WNT3: variants seen among roughly 807,000 people sequenced by gnomAD.
WNT3 encodes proto-oncogene Wnt-3.
WNT3 carries 7 observed loss-of-function variants against 34.2 expected under a neutral mutation model. That is an observed-to-expected ratio of 0.20 (90% CI 0.12 to 0.38). WNT3 has a LOEUF of 0.38. WNT3 is among the 10% of genes least tolerant of loss of function. WNT3 has a pLI of 1.00. For synonymous variants in WNT3, 212 were observed against 211.5 expected (o/e 1.00, Z -0.02); for missense variants, 267 against 499.8 (o/e 0.53, Z 4.44).
intron 1 of WNT3, among the ~76,000 whole-genome samples, chr17:46,780,178 C>G (rs2059448652): frequency 6.6e-6 from 1 of 152,220 alleles, no homozygotes; most frequent in African/African-American, 2.4e-5. Context: ...GTGCGTCCTG[C>G]CTGATCTGAC....
intron 1 of WNT3, among the ~76,000 whole-genome samples, chr17:46,786,093 A>T (rs1295410047): frequency 8.9e-6 from 1 of 112,694 alleles, no homozygotes; most frequent in Non-Finnish European, 1.6e-5. Context: ...CAGGAAAGTG[A>T]AGTTGATAAG....
intron 1 of WNT3, among the ~76,000 whole-genome samples, chr17:46,794,330 C>T (rs922961800): frequency 5.3e-5 from 8 of 152,130 alleles, no homozygotes; most frequent in South Asian, 4.1e-4. Flanking sequence ...ATCTTACTAG[C>T]GGTGAAGAGG....
chr17:46,812,808 T>C (rs923342329), intron 1 of WNT3, among the ~76,000 whole-genome samples: 5 of 152,178 alleles, frequency 3.3e-5, no homozygotes, highest in Admixed American at 3.3e-4. Flanking sequence ...AGTGAGCCAA[T>C]AGCTTGCAGA....
At chr17:46,810,765 A>G (rs1201717688) in intron 1 of WNT3, among the ~76,000 whole-genome samples, 3 of 152,130 alleles carry the variant, frequency 2.0e-5, no homozygotes, top group East Asian at 1.9e-4. Flanking sequence ...CATGACTGCA[A>G]TCTCGGAGCT....
At chr17:46,802,026 A>T (rs997158501) in intron 1 of WNT3, among the ~76,000 whole-genome samples, 5 of 152,232 alleles carry the variant, frequency 3.3e-5, no homozygotes, top group Non-Finnish European at 7.3e-5. Context: ...CCAGCTCATT[A>T]AGCTGTACAC....
chr17:46,806,006 G>A (rs931002625), intron 1 of WNT3, among the ~76,000 whole-genome samples: 1 of 152,138 alleles, frequency 6.6e-6, no homozygotes, highest in African/African-American at 2.4e-5. Context: ...GGGATAACAA[G>A]AGTCTCTGCC....
At chr17:46,797,028 G>T (rs776946215) in intron 1 of WNT3, among the ~76,000 whole-genome samples, 34 of 152,102 alleles carry the variant, frequency 2.2e-4, no homozygotes, top group Non-Finnish European at 4.1e-4. Flanking sequence ...TGGGAAAAGG[G>T]CTCCAAGGTT....
chr17:46,780,734 G>A (rs555475505), intron 1 of WNT3, among the ~76,000 whole-genome samples: 1 of 152,058 alleles, frequency 6.6e-6, no homozygotes, highest in African/African-American at 2.4e-5. Context: ...CTGAGATGGC[G>A]CCACTGCGCT....
intron 1 of WNT3, among the ~76,000 whole-genome samples, chr17:46,800,548 A>G (rs2084111476): frequency 6.6e-6 from 1 of 152,232 alleles, no homozygotes; most frequent in Non-Finnish European, 1.5e-5. Context: ...ACAGATGCAC[A>G]TGAAGAGGTA....
chr17:46,766,805 C>T (rs1022223697), intron 4 of WNT3, among the ~76,000 whole-genome samples: 8 of 152,186 alleles, frequency 5.3e-5, no homozygotes, highest in African/African-American at 1.7e-4. Flanking sequence ...AGAGGGGGCA[C>T]TCTACCCTTT....
chr17:46,767,464 A>G (rs1361828901), intron 4 of WNT3, among the ~76,000 whole-genome samples: 22 of 152,212 alleles, frequency 1.4e-4, no homozygotes, highest in Admixed American at 1.4e-3. Flanking sequence ...AGGTGGATGC[A>G]CACTGACTCT....
intron 1 of WNT3, among the ~76,000 whole-genome samples, chr17:46,778,773 T>C (rs1400017697): frequency 6.6e-6 from 1 of 151,964 alleles, no homozygotes; most frequent in African/African-American, 2.4e-5. Flanking sequence ...TGCTGAGCCC[T>C]CGGCTCGAAG....
At chr17:46,805,916 A>G (rs939091865) in intron 1 of WNT3, among the ~76,000 whole-genome samples, 3 of 152,232 alleles carry the variant, frequency 2.0e-5, no homozygotes, top group Non-Finnish European at 4.4e-5. Context: ...TCTCTTGTTT[A>G]GAGCTCTGGG....
In WNT3 at chr17:46,779,103, A is replaced by ACACACCCC. The variant is rs749719578; in HGVS notation, c.81-5195_81-5194insGGGGTGTG. On this transcript the variant is annotated intron_variant, in intron 1 of 4. Coordinates refer to ENST00000225512, the MANE Select transcript of WNT3 (RefSeq NM_030753.5). ...CACACACACACACACACACACACACACCCCAGCCCACTCGGCCTTCCAAAG... is the reference window on the plus strand; with the variant it reads ...CACACACACACACACACACACACACACACACCCCCCCCAGCCCACTCGGCCTTCCAAAG... 9.4e-4 allele frequency among the ~76,000 whole-genome samples: 125 copies of ACACACCCC among 133,654 alleles called. 7 individuals carry two copies. In the East Asian group the frequency reaches 0.021, roughly 22 times the overall value. 87.7% of individuals were successfully genotyped at this position (133,654 alleles called of 152,430 possible). A position where few individuals can be genotyped will look rare whatever the true frequency, so the allele number is the denominator to read the frequency against.
chr17:46,816,677 C>T (rs1280237914), intron 1 of WNT3, among the ~76,000 whole-genome samples: 1 of 151,960 alleles, frequency 6.6e-6, no homozygotes, highest in Non-Finnish European at 1.5e-5. Context: ...CCCAAGATAC[C>T]ATTTCACACC....
chr17:46,779,339 C>G (rs1480146871), intron 1 of WNT3, among the ~76,000 whole-genome samples: 1 of 152,174 alleles, frequency 6.6e-6, no homozygotes, highest in Non-Finnish European at 1.5e-5. Flanking sequence ...AGAGACCTGC[C>G]TGGCACTGAC....
intron 1 of WNT3, among the ~76,000 whole-genome samples, chr17:46,799,632 G>C (rs2084099373): frequency 6.6e-6 from 1 of 151,882 alleles, no homozygotes; most frequent in African/African-American, 2.4e-5. Context: ...ATTTTTAGTA[G>C]AGACAGAGTT....
At position 46,811,639 on chromosome 17, in the gene WNT3, G is replaced by A. The variant is rs376843730; in HGVS notation, c.80+6879C>T. ...CAGGACAGGGTGCCCGAAGGAGAGC[G>A]TGGAGTTGCCTCTCAGAAGATTCTA... On this transcript the variant is annotated intron_variant, in intron 1 of 4. Coordinates refer to ENST00000225512, the MANE Select transcript of WNT3 (RefSeq NM_030753.5). Among the ~76,000 whole-genome samples the A allele has an allele frequency of 2.6e-5, 4 of 152,176 alleles. No homozygotes were observed. The South Asian group carries it at 6.2e-4, about 24-fold the overall frequency.
At chr17:46,807,746 GA>G (rs1299478914) in intron 1 of WNT3, among the ~76,000 whole-genome samples, 1 of 152,188 alleles carries the variant, frequency 6.6e-6, no homozygotes, top group African/African-American at 2.4e-5. Context: ...GCTGATGACG[GA>G]AAACACATCA....
Sources: gnomAD v4.1 joint callset for allele counts (sites outside exome capture counted in the v4.1 genomes callset) on GRCh38, gnomAD v4.1.1 for gene constraint, MANE v1.5 for transcripts, NCBI Gene and HGNC (gene_info 2026-07-23, HGNC 2026-07-21) for gene names.